PEMT: variants seen among roughly 807,000 people sequenced by gnomAD.
The protein encoded by PEMT is phospholipid methyltransferase.
A neutral mutation model predicts 27.4 loss-of-function variants in PEMT; 23 were observed. The ratio of observed to expected loss-of-function variants is 0.84; its 90% confidence interval spans 0.60 to 1.19. The LOEUF is 1.19. Ranked by LOEUF, PEMT falls within the 50% of genes most tolerant of loss-of-function variation. The pLI is 0.00. For synonymous variants in PEMT, 137 were observed against 139.1 expected (o/e 0.98, Z 0.11); for missense variants, 307 against 310.1 (o/e 0.99, Z 0.07).
intron 2 of PEMT, among the ~76,000 whole-genome samples, chr17:17,559,753 G>C (rs989986774): frequency 1.3e-5 from 2 of 152,236 alleles, no homozygotes; most frequent in African/African-American, 4.8e-5. Context: ...ACAGAAGTGT[G>C]GGGGCAGAAA....
intron 1 of PEMT, among the ~76,000 whole-genome samples, chr17:17,581,113 G>A (rs542992588): frequency 7.9e-5 from 12 of 152,242 alleles, no homozygotes; most frequent in Non-Finnish European, 1.2e-4. Flanking sequence ...TATCACTGGC[G>A]CCCCTTCAAC....
chr17:17,518,501 C>T (rs951701412), intron 3 of PEMT, among the ~76,000 whole-genome samples: 2 of 152,232 alleles, frequency 1.3e-5, no homozygotes, highest in African/African-American at 2.4e-5. Context: ...GGATGGAGCA[C>T]ACCTGCTTCC....
chr17:17,516,623 C>G (rs973285625), intron 3 of PEMT, among the ~76,000 whole-genome samples: 4 of 152,222 alleles, frequency 2.6e-5, no homozygotes, highest in African/African-American at 9.6e-5. Flanking sequence ...GACACCCACT[C>G]TCCTTCCAGA....
At chr17:17,581,342 C>G (rs1230492823) in intron 1 of PEMT, among the ~76,000 whole-genome samples, 2 of 152,152 alleles carry the variant, frequency 1.3e-5, no homozygotes, top group South Asian at 4.1e-4. Flanking sequence ...CTCAGCCACC[C>G]TAAAAGTAAA....
intron 2 of PEMT, among the ~76,000 whole-genome samples, chr17:17,563,440 C>T (rs962528374): frequency 6.6e-6 from 1 of 152,140 alleles, no homozygotes; most frequent in African/African-American, 2.4e-5. Context: ...CTGAGTTCCA[C>T]GGAAATGCGA....
At chr17:17,528,416 C>T (rs920551151) in intron 2 of PEMT, among the ~76,000 whole-genome samples, 2 of 152,228 alleles carry the variant, frequency 1.3e-5, no homozygotes, top group East Asian at 3.9e-4. Context: ...CCACGTGGGG[C>T]TACCACCCGA....
chr17:17,518,213 A>C, intron 3 of PEMT: 1 of 923,928 alleles, frequency 1.1e-6, no homozygotes, highest in Non-Finnish European at 1.3e-6. Flanking sequence ...GTCTCCTCCC[A>C]CAGCCAGGAG....
chr17:17,567,999 C>T (rs1416371453), intron 2 of PEMT, among the ~76,000 whole-genome samples: 1 of 152,160 alleles, frequency 6.6e-6, no homozygotes, highest in African/African-American at 2.4e-5. Flanking sequence ...CAGTTTGGCT[C>T]ATGCCCCCAT....
chr17:17,565,609 C>T (rs758327017), intron 2 of PEMT, among the ~76,000 whole-genome samples: 46 of 152,234 alleles, frequency 3.0e-4, no homozygotes, highest in Non-Finnish European at 6.0e-4. Context: ...TGAACCCTGG[C>T]AGCAGCATCC....
chr17:17,580,261 A>G (rs1274749756), intron 1 of PEMT, among the ~76,000 whole-genome samples: 1 of 151,980 alleles, frequency 6.6e-6, no homozygotes, highest in East Asian at 1.9e-4. Context: ...GGCAGATCAC[A>G]GGGTCAGGAG....
chr17:17,590,989 C>G (rs1912555477), intron 1 of PEMT, among the ~76,000 whole-genome samples: 1 of 152,154 alleles, frequency 6.6e-6, no homozygotes, highest in African/African-American at 2.4e-5. Flanking sequence ...CCAGGGCCGG[C>G]TGGGAGACAG....
At chr17:17,576,364 G>A (rs533263821) in intron 2 of PEMT, among the ~76,000 whole-genome samples, 3 of 152,338 alleles carry the variant, frequency 2.0e-5, no homozygotes, top group East Asian at 1.9e-4. Context: ...ACGAGCTGGT[G>A]CCACGCTGGT....
chr17:17,521,099 C>G (rs972524986), intron 3 of PEMT, among the ~76,000 whole-genome samples: 8 of 152,234 alleles, frequency 5.3e-5, no homozygotes, highest in Non-Finnish European at 1.0e-4. Context: ...ATGGGGAGAG[C>G]CAGGCTACAC....
chr17:17,531,620 GCAAAAAA>G (rs1908098924), intron 2 of PEMT, among the ~76,000 whole-genome samples: 6 of 20,472 alleles, frequency 2.9e-4, no homozygotes, highest in Non-Finnish European at 5.0e-4. Flanking sequence ...GCTATCATAT[GCAAAAAA>G]AAAAAAAAAA....
At chr17:17,521,712 A>T (rs1907275490) in intron 3 of PEMT, among the ~76,000 whole-genome samples, 1 of 152,070 alleles carries the variant, frequency 6.6e-6, no homozygotes, top group Non-Finnish European at 1.5e-5. Flanking sequence ...TTACAGGCGC[A>T]TGCACCACCA....
At chr17:17,553,744 A>G (rs1909840711) in intron 2 of PEMT, among the ~76,000 whole-genome samples, 1 of 152,250 alleles carries the variant, frequency 6.6e-6, no homozygotes, top group Admixed American at 6.5e-5. Context: ...ATGTGGCCAG[A>G]CGGTCCCTTC....
chr17:17,510,761 A>G (rs914174063), intron 4 of PEMT, among the ~76,000 whole-genome samples: 13 of 151,728 alleles, frequency 8.6e-5, no homozygotes, highest in African/African-American at 3.2e-4. Flanking sequence ...ACTGTCCAGG[A>G]CCCCCAGCTT....
At chr17:17,506,417 CCACTTGGGCCGACCGAG>C (rs1905852454) in intron 5 of PEMT, 116 bp from the exon 6 acceptor site, 1 of 688,744 alleles carries the variant, frequency 1.5e-6, no homozygotes, top group African/African-American at 1.8e-5. Flanking sequence ...CGACGCTGGG[CCACTTGGGCCGACCGAG>C]CCCAGGCAGC....
At chr17:17,534,279 G>A (rs1329252882) in intron 2 of PEMT, among the ~76,000 whole-genome samples, 1 of 152,212 alleles carries the variant, frequency 6.6e-6, no homozygotes, top group Non-Finnish European at 1.5e-5. Flanking sequence ...GGAACTACCA[G>A]TCCATGCAAG....
Sources: allele counts gnomAD v4.1 joint callset (sites outside exome capture counted in the v4.1 genomes callset), GRCh38; gene constraint gnomAD v4.1.1; transcripts MANE v1.5; gene names NCBI Gene and HGNC (gene_info 2026-07-23, HGNC 2026-07-21).